The following SPTBN4 variants were observed in gnomAD, a reference collection of about 807,000 sequenced individuals.
The protein encoded by SPTBN4 is spectrin beta, non-erythrocytic 4, also known as spectrin beta chain, non-erythrocytic 4.
SPTBN4 carries 96 observed loss-of-function variants against 277.8 expected under a neutral mutation model. The observed-to-expected ratio is 0.35, with a 90% CI of 0.29 to 0.41. The LOEUF is 0.41. Among genes scored for constraint, SPTBN4 ranks in the 10% least tolerant of loss-of-function variants. SPTBN4 has a pLI of 1.00. For missense variants in SPTBN4, 3,006 were observed against 3,595.7 expected (o/e 0.84, Z 4.19); for synonymous variants, 1,481 against 1,580.3 (o/e 0.94, Z 1.49).
At chr19:40,546,049 CAAAA>C (rs35750238) in intron 20 of SPTBN4, among the ~76,000 whole-genome samples, 1 of 91,780 alleles carries the variant, frequency 1.1e-5, no homozygotes, top group Non-Finnish European at 2.1e-5. Context: ...GACTCTGCCT[CAAAA>C]AAAAAAAAAA....
chr19:40,506,797 G>GT (rs1342322416), intron 13 of SPTBN4, among the ~76,000 whole-genome samples: 1 of 151,928 alleles, frequency 6.6e-6, no homozygotes, highest in Non-Finnish European at 1.5e-5. Flanking sequence ...GGCCAACATA[G>GT]AAAGACATCA....
intron 3 of SPTBN4, among the ~76,000 whole-genome samples, chr19:40,488,919 T>C (rs2080104165): frequency 6.6e-6 from 1 of 151,972 alleles, no homozygotes; most frequent in Admixed American, 6.6e-5. Context: ...AGCCTCGGCC[T>C]CCCAAAGTGC....
In SPTBN4 at chr19:40,513,388, A is replaced by G. The variant is rs1254405072; in HGVS notation, c.2599A>G (p.Thr867Ala). The change falls in exon 14 of 36, where the codon ACC becomes GCC. Residue 867 changes from threonine to alanine, a missense_variant. Coordinates refer to ENST00000598249, the MANE Select transcript of SPTBN4 (RefSeq NM_020971.3). Reference protein sequence around the residue: ...VEAEQLFAEVTEVAALRRQWL... With the variant: ...VEAEQLFAEVAEVAALRRQWL... ...AGCAGAGCAGTTGTTCGCTGAGGTG[A>G]CCGAAGTGGCGGCGCTGAGGCGCCA... is the stretch of plus-strand genomic sequence containing the variant. 1.2e-6 allele frequency: 2 copies of G among 1,604,988 alleles called. No homozygotes were observed. The highest frequency in any genetic ancestry group is 1.1e-5 in the South Asian group (1 of 89,794).
chr19:40,535,974 TAAAAA>T (rs1046643041), intron 20 of SPTBN4, among the ~76,000 whole-genome samples: 2 of 151,530 alleles, frequency 1.3e-5, no homozygotes, highest in Admixed American at 1.3e-4. Context: ...AATAAAAAAA[TAAAAA>T]AAATAATTAG....
In SPTBN4 at chr19:40,502,639, A is replaced by T; in HGVS notation, c.1203+132A>T. Reference sequence around the variant, plus strand: ...TCATTCTGACAGTTTTTCAGTAGTAAAGTGTCATAAGGAAGCAATATTTTT... The same window carrying T: ...TCATTCTGACAGTTTTTCAGTAGTATAGTGTCATAAGGAAGCAATATTTTT... On this transcript the variant is annotated intron_variant, in intron 10 of 35. Coordinates refer to ENST00000598249, the MANE Select transcript of SPTBN4 (RefSeq NM_020971.3). This position sits in a 1 kb window ranked among gnomAD's most constrained non-coding sequence, Gnocchi z 4.9. 6.9e-7 allele frequency: 1 copy of T among 1,451,290 alleles called. No individual in the cohort carries two copies. Among genetic ancestry groups the T allele is most frequent in the Non-Finnish European group, 9.3e-7 (1 of 1,074,018 alleles). The allele number at this position is 1,451,290 out of a possible 1,614,324, so 89.9% of individuals were successfully genotyped here. A position where few individuals can be genotyped will look rare whatever the true frequency, so the allele number is the denominator to read the frequency against.
At position 40,554,533 on chromosome 19, in the gene SPTBN4, G is replaced by A; in HGVS notation, c.4971G>A (p.Leu1657=). ...EDKGKDEQST[L]QLLKKHLQLE... ...GCCCCCAGGACGAACAGAGCACCCT[G>A]CAGCTGCTCAAGAAACACCTGCAGC... The change falls in exon 24 of 36, where the codon CTG becomes CTA. Residue 1657 remains leucine (L), a synonymous_variant. Transcript: ENST00000598249. This position sits in a 1 kb window ranked among gnomAD's most constrained non-coding sequence, Gnocchi z 5.7. 6.7e-7 allele frequency: 1 copy of A among 1,488,162 alleles called. No individual in the cohort carries two copies. The allele number at this position is 1,488,162 out of a possible 1,614,324, so 92.2% of individuals were successfully genotyped here. A position where few individuals can be genotyped will look rare whatever the true frequency, so the allele number is the denominator to read the frequency against.
At position 40,512,895 on chromosome 19, in the gene SPTBN4, G is replaced by A; in HGVS notation, c.2106G>A (p.Lys702=). Residue 702 remains lysine, a synonymous_variant, in exon 14 of 36, where the codon AAG becomes AAA. Transcript: ENST00000598249. ...SSTARLLAQH[K]ILQGELGGRR... is the part of the protein sequence containing the mutation. ...CAGCGCGCCTCCTGGCCCAGCACAA[G>A]ATCCTGCAGGGCGAGCTGGGCGGGC... 1 of 1,437,900 alleles carries A rather than the reference G, an allele frequency of 7.0e-7. No homozygotes were observed. The highest frequency in any genetic ancestry group is 9.0e-7 in the Non-Finnish European group (1 of 1,106,476). 89.1% of individuals were successfully genotyped at this position (1,437,900 alleles called of 1,614,324 possible). A position where few individuals can be genotyped will look rare whatever the true frequency, so the allele number is the denominator to read the frequency against.
chr19:40,529,179 G>T, intron 18 of SPTBN4, 48 bp downstream of exon 18: 1 of 1,550,710 alleles, frequency 6.4e-7, no homozygotes, highest in Non-Finnish European at 8.9e-7. Flanking sequence ...CTTTAGTCGG[G>T]AGGGAAGTGC....
At chr19:40,486,889 G>A (rs1181632538) in intron 2 of SPTBN4, among the ~76,000 whole-genome samples, 1 of 152,146 alleles carries the variant, frequency 6.6e-6, no homozygotes, top group African/African-American at 2.4e-5. Context: ...TGAATGACTA[G>A]AGCCAACTGG....
chr19:40,567,404 C>T (rs1488676531), intron 30 of SPTBN4, among the ~76,000 whole-genome samples: 2 of 152,186 alleles, frequency 1.3e-5, no homozygotes, highest in African/African-American at 4.8e-5. Flanking sequence ...CAGAAAGGCA[C>T]GCAGAGCAAT....
rs770857632 is a variant in SPTBN4 at position 40,570,624 on chromosome 19, C to T, written c.7215C>T (p.Gly2405=). The change falls in exon 33 of 36, where the codon GGC becomes GGT. Residue 2405 remains glycine (G), a synonymous_variant. Coordinates refer to ENST00000598249, the MANE Select transcript of SPTBN4 (RefSeq NM_020971.3). The part of the protein sequence containing the change: ...SRRSRSAPAQ[G]GSAPAPPPPP... ...GCTCGCGCTCCGCCCCGGCCCAGGGCGGCTCCGCCCCCGCGCCTCCGCCAC... is the reference window on the plus strand; with the variant it reads ...GCTCGCGCTCCGCCCCGGCCCAGGGTGGCTCCGCCCCCGCGCCTCCGCCAC... The T allele has an allele frequency of 2.0e-6, 3 of 1,477,032 alleles. No homozygotes were observed. Among genetic ancestry groups the T allele is most frequent in the Non-Finnish European group, 1.8e-6 (2 of 1,114,026 alleles). 91.5% of individuals were successfully genotyped at this position (1,477,032 alleles called of 1,614,324 possible).
At chr19:40,573,206 A>C (rs1367880260) in intron 35 of SPTBN4, among the ~76,000 whole-genome samples, 1 of 152,114 alleles carries the variant, frequency 6.6e-6, no homozygotes, top group South Asian at 2.1e-4. Flanking sequence ...CCAGCTACTC[A>C]GGAGGCCGAG....
intron 22 of SPTBN4, among the ~76,000 whole-genome samples, chr19:40,552,311 C>G (rs563047459): frequency 6.6e-6 from 1 of 151,200 alleles, no homozygotes; most frequent in African/African-American, 2.4e-5. Flanking sequence ...AAAAATTAGC[C>G]GGGCGAGGTG....
chr19:40,478,762 G>A (rs953790542), intron 2 of SPTBN4, among the ~76,000 whole-genome samples: 4 of 152,134 alleles, frequency 2.6e-5, no homozygotes, highest in African/African-American at 9.7e-5. Flanking sequence ...GGCCAGGCTG[G>A]TCTTCAACTC....
At position 40,572,050 on chromosome 19, in the gene SPTBN4, A is replaced by C. The variant is rs768695789; in HGVS notation, c.7351A>C (p.Lys2451Gln). The C allele has an allele frequency of 6.2e-7, 1 of 1,603,546 alleles. No homozygotes were observed. Among genetic ancestry groups the C allele is most frequent in the Admixed American group, 1.7e-5 (1 of 57,872 alleles). ...GGTGAGCCTGTACTGTGTGCTTAGT[A>C]AGGGGGAACTGGGCTTCTACAAGGA... ...SWVSLYCVLS[K>Q]GELGFYKDSK... Residue 2451 changes from lysine (K) to glutamine (Q), a missense_variant, in exon 34 of 36, where the codon AAG (lysine) becomes CAG (glutamine). By Grantham distance (53) the Lys-to-Gln change is moderately conservative. This residue lies in a region of SPTBN4 where 630 missense variants were observed against 677.6 expected (regional missense o/e 0.93). Coordinates refer to ENST00000598249, the MANE Select transcript of SPTBN4 (RefSeq NM_020971.3).
intron 29 of SPTBN4, among the ~76,000 whole-genome samples, 153 bp from the exon 30 acceptor site, chr19:40,566,010 A>G (rs1454260384): frequency 6.6e-6 from 1 of 152,114 alleles, no homozygotes; most frequent in Non-Finnish European, 1.5e-5. Context: ...GCCCACTGAA[A>G]TAGCCCCAGC....
In SPTBN4 at chr19:40,511,430, AAACAACAACAGC is replaced by A. The variant is rs981702771; in HGVS notation, c.1817-1165_1817-1154del. Among the ~76,000 whole-genome samples the A allele has an allele frequency of 1.8e-4, 28 of 152,262 alleles. 1 individual carries two copies. Among genetic ancestry groups the A allele is most frequent in the South Asian group, 1.4e-3 (7 of 4,828 alleles). The stretch of plus-strand genomic sequence containing the variant: ...CTCAATCAAACAAACAAACAATACC[AAACAACAACAGC>A]AACAACAACAAAAATACTCCCCCGA... On this transcript the variant is annotated intron_variant, in intron 13 of 35. Coordinates refer to ENST00000598249, the MANE Select transcript of SPTBN4 (RefSeq NM_020971.3).
intron 17 of SPTBN4, among the ~76,000 whole-genome samples, 162 bp from the exon 18 acceptor site, chr19:40,528,879 C>T (rs1415622794): frequency 6.6e-6 from 1 of 151,988 alleles, no homozygotes; most frequent in African/African-American, 2.4e-5. Flanking sequence ...TCTTCAGCCC[C>T]GTCCCTGCGT....
chr19:40,524,484 A>G, intron 17 of SPTBN4: 1 of 427,970 alleles, frequency 2.3e-6, no homozygotes, highest in Non-Finnish European at 4.7e-6. Context: ...TCCAGCCTGG[A>G]TGACACAGCA....
Sources: gnomAD v4.1 joint callset for allele counts (sites outside exome capture counted in the v4.1 genomes callset) on GRCh38, gnomAD v4.1.1 for gene constraint, gnomAD v4.1.1 regional missense constraint, Gnocchi (gnomAD v3.1) non-coding constraint, MANE v1.5 for transcripts, NCBI Gene and HGNC (gene_info 2026-07-23, HGNC 2026-07-21) for gene names.